Variants in ADGRB3 observed in about 807,000 individuals in gnomAD.
ADGRB3 encodes adhesion G protein-coupled receptor B3.
Under a neutral mutation model 193.4 loss-of-function variants are expected in ADGRB3, and 37 were observed. The observed-to-expected ratio is 0.19, with a 90% CI of 0.15 to 0.25. The LOEUF is 0.25. Ranked by LOEUF, ADGRB3 falls within the 10% of genes least tolerant of loss-of-function variation. The probability of loss-of-function intolerance (pLI) is 1.00; values close to 1 mark genes in which losing one functional copy is unlikely to be tolerated. For missense variants in ADGRB3, 1,637 were observed against 1,852.9 expected (o/e 0.88, Z 2.14); for synonymous variants, 690 against 644.2 (o/e 1.07, Z -1.08).
chr6:69,110,020 T>C (rs1773326643), intron 17 of ADGRB3, among the ~76,000 whole-genome samples: 1 of 150,460 alleles, frequency 6.6e-6, no homozygotes, highest in South Asian at 2.1e-4. Context: ...CTATCTCTGC[T>C]CACTGCAACC....
At chr6:69,327,592 G>C (rs1768605563) in intron 21 of ADGRB3, among the ~76,000 whole-genome samples, 2 of 152,130 alleles carry the variant, frequency 1.3e-5, no homozygotes, top group African/African-American at 4.8e-5. Flanking sequence ...GTCAAATGTG[G>C]TGGTAACCTA....
intron 5 of ADGRB3, among the ~76,000 whole-genome samples, chr6:68,939,628 C>G (rs535304596): frequency 3.9e-5 from 6 of 152,112 alleles, no homozygotes; most frequent in Admixed American, 2.0e-4. Flanking sequence ...GGAATTTTTT[C>G]ATCTGGTTAT....
chr6:68,680,206 G>C (rs756115662), intron 3 of ADGRB3, among the ~76,000 whole-genome samples: 15 of 152,040 alleles, frequency 9.9e-5, no homozygotes, highest in Non-Finnish European at 2.2e-4. Context: ...TGTTATGGTA[G>C]CCTTAACGGA....
In ADGRB3 at chr6:68,694,164, A is replaced by G. The variant is rs184971112; in HGVS notation, c.757+54732A>G. 4.6e-5 allele frequency among the ~76,000 whole-genome samples: 7 copies of G among 152,156 alleles called. No individual in the cohort carries two copies. In the East Asian group the frequency reaches 1.4e-3, roughly 29 times the overall value. On this transcript the variant is annotated intron_variant, in intron 3 of 31. Coordinates refer to ENST00000370598, the MANE Select transcript of ADGRB3 (RefSeq NM_001704.3). ...GTGGCATCTACCCCCAAATTTGGAA[A>G]GCACTCAAAAGTGTCATTTGCAAAT...
At chr6:69,080,818 G>C (rs964709150) in intron 17 of ADGRB3, among the ~76,000 whole-genome samples, 5 of 151,994 alleles carry the variant, frequency 3.3e-5, no homozygotes, top group Non-Finnish European at 7.4e-5. Flanking sequence ...AGGTTGGTCT[G>C]TTTAGTACAT....
intron 3 of ADGRB3, among the ~76,000 whole-genome samples, chr6:68,640,406 A>G (rs779346556): frequency 2.0e-5 from 3 of 152,254 alleles, no homozygotes; most frequent in Non-Finnish European, 4.4e-5. Flanking sequence ...ATAATGCAAG[A>G]CAGCGTGACA....
At chr6:69,045,633 A>C (rs566893840) in intron 13 of ADGRB3, among the ~76,000 whole-genome samples, 1 of 152,146 alleles carries the variant, frequency 6.6e-6, no homozygotes, top group Non-Finnish European at 1.5e-5. Flanking sequence ...ATTATACACT[A>C]TTTTGATTTT....
intron 29 of ADGRB3, 126 bp downstream of exon 29, chr6:69,361,638 T>C (rs1298199993): frequency 8.7e-7 from 1 of 1,154,092 alleles, no homozygotes. Flanking sequence ...TCACATTAGC[T>C]TTTGCAGTTT....
intron 3 of ADGRB3, among the ~76,000 whole-genome samples, chr6:68,752,320 A>G (rs1339596648): frequency 6.9e-6 from 1 of 144,882 alleles, no homozygotes; most frequent in African/African-American, 2.6e-5. Flanking sequence ...CTTGTCACCC[A>G]CATTGGAGTG....
intron 3 of ADGRB3, among the ~76,000 whole-genome samples, chr6:68,845,386 G>T (rs1768253808): frequency 1.3e-5 from 2 of 152,112 alleles, no homozygotes; most frequent in Non-Finnish European, 2.9e-5. Context: ...AGAGGCATGG[G>T]ACAGATTATT....
chr6:69,148,204 C>A (rs1253681489), intron 17 of ADGRB3, among the ~76,000 whole-genome samples: 1 of 152,004 alleles, frequency 6.6e-6, no homozygotes, highest in Non-Finnish European at 1.5e-5. Context: ...GTCCTCTCTT[C>A]CTTCTTTCCT....
chr6:69,024,087 A>G (rs1171785872), intron 13 of ADGRB3, among the ~76,000 whole-genome samples: 1 of 152,182 alleles, frequency 6.6e-6, no homozygotes, highest in Non-Finnish European at 1.5e-5. Context: ...TGAAGTCATA[A>G]AAGTTTTTTT....
At chr6:69,156,327 A>G (rs895540898) in intron 17 of ADGRB3, among the ~76,000 whole-genome samples, 3 of 152,206 alleles carry the variant, frequency 2.0e-5, no homozygotes, top group African/African-American at 7.2e-5. Flanking sequence ...GTTAGACAGC[A>G]TGGTTAGGAA....
At chr6:69,042,485 C>T (rs1771100549) in intron 13 of ADGRB3, among the ~76,000 whole-genome samples, 1 of 152,184 alleles carries the variant, frequency 6.6e-6, no homozygotes, top group African/African-American at 2.4e-5. Flanking sequence ...TTACAAGGTA[C>T]TTAGCATTGC....
intron 3 of ADGRB3, among the ~76,000 whole-genome samples, chr6:68,789,452 T>C (rs984734140): frequency 2.0e-5 from 3 of 152,190 alleles, no homozygotes; most frequent in African/African-American, 4.8e-5. Context: ...GGGTTGAAAA[T>C]TCTTTTCTTT....
At chr6:68,966,878 C>G (rs1768395614) in intron 8 of ADGRB3, among the ~76,000 whole-genome samples, 1 of 152,146 alleles carries the variant, frequency 6.6e-6, no homozygotes, top group Non-Finnish European at 1.5e-5. Context: ...CTAGAAAGAT[C>G]CCACTACTGG....
intron 24 of ADGRB3, among the ~76,000 whole-genome samples, chr6:69,335,378 T>C (rs1012652607): frequency 5.3e-5 from 8 of 152,022 alleles, no homozygotes; most frequent in Non-Finnish European, 1.0e-4. Flanking sequence ...CAAAACTGAG[T>C]GGGTGTTTTT....
intron 14 of ADGRB3, among the ~76,000 whole-genome samples, chr6:69,049,060 T>G (rs1771318494): frequency 1.3e-5 from 2 of 152,150 alleles, no homozygotes; most frequent in Admixed American, 1.3e-4. Context: ...CTCAACCTGG[T>G]AAAGGAAGTT....
At chr6:69,348,275 A>G (rs745834775) in intron 26 of ADGRB3, among the ~76,000 whole-genome samples, 2 of 152,106 alleles carry the variant, frequency 1.3e-5, no homozygotes, top group Non-Finnish European at 2.9e-5. Context: ...TGTTACCCAC[A>G]GCTCTTCTGC....
Sources: allele counts gnomAD v4.1 joint callset (sites outside exome capture counted in the v4.1 genomes callset), GRCh38; gene constraint gnomAD v4.1.1; transcripts MANE v1.5; gene names NCBI Gene and HGNC (gene_info 2026-07-23, HGNC 2026-07-21).